The following IREB2 variants were observed in gnomAD, a reference collection of about 807,000 sequenced individuals.
IREB2 encodes the protein iron-responsive element-binding protein 2.
IREB2 carries 39 observed loss-of-function variants against 118.8 expected under a neutral mutation model. That is an observed-to-expected ratio of 0.33 (90% confidence interval 0.25 to 0.43). The LOEUF (loss-of-function observed/expected upper bound fraction) is 0.43. Ranked by LOEUF, IREB2 falls within the 20% of genes least tolerant of loss-of-function variation. The probability of loss-of-function intolerance (pLI) is 1.00; values close to 1 mark genes in which losing one functional copy is unlikely to be tolerated. For missense variants in IREB2, 900 were observed against 1,147.3 expected, an observed-to-expected ratio of 0.78 and a Z score of 3.11; for synonymous variants, 372 against 392.2, an observed-to-expected ratio of 0.95 and a Z score of 0.61.
intron 21 of IREB2, among the ~76,000 whole-genome samples, 167 bp from the exon 22 acceptor site, chr15:78,497,866 C>A (rs1267727850): frequency 1.3e-5 from 2 of 152,134 alleles, no homozygotes; most frequent in African/African-American, 2.4e-5. Flanking sequence ...GTTTTTCAAG[C>A]AGCAGCAAAG....
intron 1 of IREB2, among the ~76,000 whole-genome samples, chr15:78,439,416 C>G (rs537699889): frequency 1.3e-5 from 2 of 152,124 alleles, no homozygotes; most frequent in Admixed American, 6.5e-5. Flanking sequence ...TCCAAAACGT[C>G]CCCGTGGATT....
chr15:78,486,081 A>G (rs1249397486), intron 13 of IREB2, among the ~76,000 whole-genome samples: 1 of 152,240 alleles, frequency 6.6e-6, no homozygotes, highest in Non-Finnish European at 1.5e-5. Context: ...CTTAGCTTCA[A>G]GATACTTAGT....
intron 18 of IREB2, 24 bp downstream of exon 18, chr15:78,490,785 G>GT: frequency 6.3e-7 from 1 of 1,599,800 alleles, no homozygotes; most frequent in Middle Eastern, 1.7e-4. Flanking sequence ...GCTTTAGAGT[G>GT]TTTTTGTTTT....
At chr15:78,474,577 G>A (rs1043140367) in intron 8 of IREB2, 2 of 151,912 alleles carry the variant, frequency 1.3e-5, no homozygotes, top group Non-Finnish European at 2.9e-5. Context: ...TGTGTTTTTT[G>A]ACATTTTAGT....
intron 4 of IREB2, among the ~76,000 whole-genome samples, chr15:78,465,914 A>G (rs2051273530): frequency 6.6e-6 from 1 of 152,338 alleles, no homozygotes; most frequent in East Asian, 1.9e-4. Flanking sequence ...ATTATAGCCC[A>G]TGAGAGAGGT....
intron 7 of IREB2, among the ~76,000 whole-genome samples, chr15:78,472,373 CT>C (rs985223563): frequency 9.8e-5 from 14 of 142,162 alleles, no homozygotes; most frequent in East Asian, 2.0e-4. Flanking sequence ...TTTTCTTTTT[CT>C]TTTTTTTTTG....
In IREB2 at chr15:78,478,418, C is replaced by G. The variant is rs917370067; in HGVS notation, c.1296+21C>G. On this transcript the variant is annotated intron_variant, in intron 10 of 21. Transcript: ENST00000258886. ...CCCAGGTATATGCAGAATAACCCAC[C>G]TCGTAGCAAAGAGTGTAAATTGTGG... 2.2e-6 allele frequency: 3 copies of G among 1,372,380 alleles called. No homozygotes were observed. In the African/African-American group the frequency reaches 4.3e-5, roughly 20 times the overall value. The allele number at this position is 1,372,380 out of a possible 1,614,324, so 85.0% of individuals were successfully genotyped here.
chr15:78,489,946 T>G (rs1478127893), intron 16 of IREB2, among the ~76,000 whole-genome samples: 1 of 152,132 alleles, frequency 6.6e-6, no homozygotes, highest in African/African-American at 2.4e-5. Flanking sequence ...AATCTCTCTG[T>G]AGCAACATAT....
chr15:78,471,830 G>T lies in IREB2; in HGVS notation c.789G>T (p.Val263=), dbSNP rs748333578. The T allele has an allele frequency of 6.2e-7, 1 of 1,613,358 alleles. No homozygotes were observed. Among genetic ancestry groups the T allele is most frequent in the African/African-American group, 1.3e-5 (1 of 74,894 alleles). ...HQINLEYLSR[V]VFEEKDLLFP... ...TAAACTTAGAATATTTGTCAAGAGT[G>T]GTTTTTGAAGAAAAAGACCTCCTCT... The change falls in exon 7 of 22, where the codon GTG becomes GTT. Residue 263 remains valine, a synonymous_variant. Coordinates refer to ENST00000258886, the MANE Select transcript of IREB2 (RefSeq NM_004136.4).
chr15:78,479,487 T>G (rs1241664935), intron 10 of IREB2, among the ~76,000 whole-genome samples: 3 of 151,776 alleles, frequency 2.0e-5, no homozygotes, highest in Non-Finnish European at 4.4e-5. Flanking sequence ...TCCTCCTGCC[T>G]TGGCCTCTCA....
chr15:78,483,576 T>A lies in IREB2; in HGVS notation c.1413+142T>A, dbSNP rs150789203. On this transcript the variant is annotated intron_variant, in intron 11 of 21. Transcript: ENST00000258886. The stretch of plus-strand genomic sequence containing the variant: ...ACCAGCAGCCCCCTTATTTTCCTTC[T>A]GTCTAATGTGCAAGTCAGTCATTAG... 6.9e-4 allele frequency: 393 copies of A among 570,454 alleles called. 3 individuals carry two copies. In the East Asian group the frequency reaches 0.011, roughly 15 times the overall value. 35.3% of individuals were successfully genotyped at this position (570,454 alleles called of 1,614,324 possible). A position where few individuals can be genotyped will look rare whatever the true frequency, so the allele number is the denominator to read the frequency against.
chr15:78,445,142 T>TTTA (rs1567161615), intron 2 of IREB2, among the ~76,000 whole-genome samples: 4 of 147,954 alleles, frequency 2.7e-5, no homozygotes, highest in Non-Finnish European at 6.1e-5. Context: ...CTTTATTTTT[T>TTTA]TTTTTTTTTT....
At chr15:78,481,522 A>T (rs1596007999) in intron 10 of IREB2, among the ~76,000 whole-genome samples, 2 of 137,986 alleles carry the variant, frequency 1.4e-5, no homozygotes, top group African/African-American at 2.7e-5. Flanking sequence ...CACCTCGCTA[A>T]TTTTTTTTTT....
At chr15:78,497,823 T>G (rs2051863465) in intron 21 of IREB2, among the ~76,000 whole-genome samples, 1 of 152,202 alleles carries the variant, frequency 6.6e-6, no homozygotes, top group Non-Finnish European at 1.5e-5. Context: ...TTTTTCTACT[T>G]AACTATGAAG....
intron 2 of IREB2, among the ~76,000 whole-genome samples, chr15:78,450,218 A>C (rs552423541): frequency 6.6e-6 from 1 of 152,352 alleles, no homozygotes; most frequent in South Asian, 2.1e-4. Flanking sequence ...TATGTGAAGT[A>C]CAGTACTATG....
In IREB2 at chr15:78,498,404, C is replaced by T. The variant is rs1029698849; in HGVS notation, c.*261C>T. ...GAGACCTGTAAGTATGGGGGGGGGG[C>T]GATATTTTATCAGACCATTTTGTAA... On this transcript the variant is annotated 3_prime_UTR_variant, in exon 22 of 22. Transcript: ENST00000258886. 20 of 211,418 alleles carry T rather than the reference C, an allele frequency of 9.5e-5. No homozygotes were observed. Among genetic ancestry groups the T allele is most frequent in the East Asian group, 2.9e-4 (3 of 10,322 alleles). 13.1% of individuals were successfully genotyped at this position (211,418 alleles called of 1,614,324 possible).
intron 2 of IREB2, among the ~76,000 whole-genome samples, chr15:78,442,073 G>T (rs984098086): frequency 2.6e-5 from 4 of 151,880 alleles, no homozygotes; most frequent in African/African-American, 9.7e-5. Context: ...CACCCAGCTA[G>T]TTGTAGAGAT....
chr15:78,438,145 G>C (rs535922618), upstream of IREB2: 1 of 566,320 alleles, frequency 1.8e-6, no homozygotes, highest in South Asian at 2.2e-5. Context: ...CGACGATCTC[G>C]CGGGAGTTAG....
intron 14 of IREB2, 70 bp from the exon 15 acceptor site, chr15:78,488,110 A>G (rs1596012502): frequency 1.4e-6 from 2 of 1,432,488 alleles, no homozygotes; most frequent in East Asian, 2.3e-5. Context: ...GATTGCTTAT[A>G]TATGATTATC....
Sources: gnomAD v4.1 joint callset for allele counts (sites outside exome capture counted in the v4.1 genomes callset) on GRCh38, gnomAD v4.1.1 for gene constraint, MANE v1.5 for transcripts, NCBI Gene and HGNC (gene_info 2026-07-23, HGNC 2026-07-21) for gene names.